GALNT17: variants seen among roughly 807,000 people sequenced by gnomAD.
GALNT17 encodes UDP-GalNAc:polypeptide N-acetylgalactosaminyltransferase-like 3.
A neutral mutation model predicts 63.7 loss-of-function variants in GALNT17; 29 were observed. The ratio of observed to expected loss-of-function variants is 0.46; its 90% CI spans 0.34 to 0.62. GALNT17 has a LOEUF of 0.62. GALNT17 is among the 20% of genes least tolerant of loss of function. The probability of loss-of-function intolerance (pLI) is 0.01; values close to 1 mark genes in which losing one functional copy is unlikely to be tolerated. For synonymous variants in GALNT17, 305 were observed against 318.3 expected (o/e 0.96, Z 0.45); for missense variants, 603 against 799.6 (o/e 0.75, Z 2.97).
Position 71,462,389 on chromosome 7 carries a change from G to A in GALNT17, c.962+41284G>A, listed in dbSNP as rs143297840. On this transcript the variant is annotated intron_variant, in intron 5 of 10. Transcript: ENST00000333538. ...TTGGGGTCAACTCTGAATACAACAA[G>A]ACAAGTGGGATTTATAGCTAAGTAG... 3.1e-3 allele frequency among the ~76,000 whole-genome samples: 475 copies of A among 152,334 alleles called. 5 individuals are homozygous for A. The highest frequency in any genetic ancestry group is 0.011 in the African/African-American group (465 of 41,580).
chr7:71,409,383 C>A (rs1434495120), intron 3 of GALNT17, among the ~76,000 whole-genome samples: 1 of 152,190 alleles, frequency 6.6e-6, no homozygotes, highest in Non-Finnish European at 1.5e-5. Flanking sequence ...GTAAGAAATA[C>A]AAGTTCTTGG....
chr7:71,603,712 CATGCTAAGTGCATACACTGGATACT>C (rs1212984018), intron 6 of GALNT17, among the ~76,000 whole-genome samples: 2 of 148,496 alleles, frequency 1.3e-5, no homozygotes, highest in African/African-American at 5.0e-5. Flanking sequence ...TGCTGGATAC[CATGCTAAGTGCATACACTGGATACT>C]ATGCTAAGTA....
At chr7:71,434,989 A>G (rs1786933220) in intron 5 of GALNT17, among the ~76,000 whole-genome samples, 1 of 152,170 alleles carries the variant, frequency 6.6e-6, no homozygotes, top group South Asian at 2.1e-4. Flanking sequence ...GCTTCCATTG[A>G]GGGAATTCAC....
At chr7:71,297,728 A>G (rs1422494324) in intron 1 of GALNT17, among the ~76,000 whole-genome samples, 1 of 152,268 alleles carries the variant, frequency 6.6e-6, no homozygotes, top group Admixed American at 6.5e-5. Flanking sequence ...TGACATATTC[A>G]TTCTATAGAG....
chr7:71,178,334 A>ATT (rs1314165477), intron 1 of GALNT17, among the ~76,000 whole-genome samples: 2 of 151,892 alleles, frequency 1.3e-5, no homozygotes, highest in Admixed American at 6.6e-5. Context: ...TGTTTTCAAG[A>ATT]TTTTAACTTT....
chr7:71,570,427 A>T (rs1789420486), intron 5 of GALNT17, among the ~76,000 whole-genome samples: 1 of 152,022 alleles, frequency 6.6e-6, no homozygotes, highest in African/African-American at 2.4e-5. Flanking sequence ...CCTTGCTTGC[A>T]ATCTTCCTCT....
At chr7:71,657,272 T>C (rs1357196207) in intron 6 of GALNT17, among the ~76,000 whole-genome samples, 1 of 152,216 alleles carries the variant, frequency 6.6e-6, no homozygotes, top group East Asian at 1.9e-4. Context: ...TTTTTGGATT[T>C]CTATATATCT....
intron 3 of GALNT17, among the ~76,000 whole-genome samples, chr7:71,402,135 G>A (rs532744274): frequency 7.0e-4 from 107 of 152,302 alleles, no homozygotes; most frequent in African/African-American, 2.0e-3. Context: ...TTCATTGTGA[G>A]GTTTAGAGGT....
chr7:71,434,956 A>G (rs1455441154), intron 5 of GALNT17, among the ~76,000 whole-genome samples: 1 of 152,182 alleles, frequency 6.6e-6, no homozygotes, highest in East Asian at 1.9e-4. Context: ...CAGTCTGGAG[A>G]AGGCTGGTTG....
chr7:71,494,326 C>T (rs146845237), intron 5 of GALNT17, among the ~76,000 whole-genome samples: 31 of 152,102 alleles, frequency 2.0e-4, no homozygotes, highest in South Asian at 1.0e-3. Flanking sequence ...GATTATAATT[C>T]GATAAGAGAT....
chr7:71,693,301 C>CATAT lies in GALNT17; in HGVS notation c.1500+15996_1500+15997insTATA, dbSNP rs1280771901. Among the ~76,000 whole-genome samples, 347 of 82,520 alleles carry CATAT rather than the reference C, an allele frequency of 4.2e-3. 10 individuals carry two copies. The highest frequency in any genetic ancestry group is 7.5e-3 in the African/African-American group (203 of 27,012). 54.1% of individuals were successfully genotyped at this position (82,520 alleles called of 152,430 possible). On this transcript the variant is annotated intron_variant, in intron 9 of 10. Coordinates refer to ENST00000333538, the MANE Select transcript of GALNT17 (RefSeq NM_022479.3). ...ACACACACACACACACACACACACACACACACACATATATATATATGGAGA... is the reference window on the plus strand; with the variant it reads ...ACACACACACACACACACACACACACATATACACACACATATATATATATGGAGA...
At chr7:71,357,637 G>A (rs964451278) in intron 2 of GALNT17, among the ~76,000 whole-genome samples, 3 of 152,118 alleles carry the variant, frequency 2.0e-5, no homozygotes, top group Non-Finnish European at 4.4e-5. Flanking sequence ...CTTTGGCTAG[G>A]TGCTTACGCC....
At chr7:71,346,636 C>T (rs1269051529) in intron 2 of GALNT17, among the ~76,000 whole-genome samples, 2 of 151,954 alleles carry the variant, frequency 1.3e-5, no homozygotes, top group African/African-American at 2.4e-5. Flanking sequence ...ACTGCCTAAC[C>T]TTCTGTGTCT....
intron 1 of GALNT17, among the ~76,000 whole-genome samples, chr7:71,143,062 T>C (rs375051990): frequency 1.3e-5 from 2 of 152,028 alleles, no homozygotes; most frequent in African/African-American, 4.8e-5. Context: ...GAAATTTTCA[T>C]GCATGCACGA....
chr7:71,574,244 G>T (rs1789499084), intron 6 of GALNT17, among the ~76,000 whole-genome samples: 1 of 152,202 alleles, frequency 6.6e-6, no homozygotes, highest in East Asian at 1.9e-4. Context: ...GTGGAAGGCA[G>T]TTTGGGGATT....
chr7:71,149,012 G>C (rs144302890), intron 1 of GALNT17, among the ~76,000 whole-genome samples: 65 of 151,902 alleles, frequency 4.3e-4, no homozygotes, highest in Non-Finnish European at 1.3e-4. Flanking sequence ...GCTCACTGCA[G>C]CCTCGAACTC....
At chr7:71,379,625 G>A (rs879909571) in intron 2 of GALNT17, among the ~76,000 whole-genome samples, 1 of 152,154 alleles carries the variant, frequency 6.6e-6, no homozygotes, top group Non-Finnish European at 1.5e-5. Context: ...TGACCGATAG[G>A]CATGTTGAGG....
At position 71,435,836 on chromosome 7, in the gene GALNT17, AG is replaced by A. The variant is rs377232794; in HGVS notation, c.962+14732del. Among the ~76,000 whole-genome samples the A allele has an allele frequency of 3.7e-3, 567 of 152,056 alleles. 7 individuals are homozygous for A. Among genetic ancestry groups the A allele is most frequent in the African/African-American group, 0.013 (550 of 41,460 alleles). On this transcript the variant is annotated intron_variant, in intron 5 of 10. Transcript: ENST00000333538. ...AGATCAAGATCATCCTGGCTAACAC[AG>A]TGAAACCCCATCTCTACTAAAAATA...
intron 6 of GALNT17, among the ~76,000 whole-genome samples, chr7:71,603,196 A>G (rs1789992648): frequency 6.6e-6 from 1 of 151,938 alleles, no homozygotes; most frequent in Non-Finnish European, 1.5e-5. Flanking sequence ...ATATTATGCT[A>G]AGTGCATATA....
Sources: gnomAD v4.1 joint callset for allele counts (sites outside exome capture counted in the v4.1 genomes callset) on GRCh38, gnomAD v4.1.1 for gene constraint, MANE v1.5 for transcripts, NCBI Gene and HGNC (gene_info 2026-07-23, HGNC 2026-07-21) for gene names.